SORBS2: variants seen among roughly 807,000 people sequenced by gnomAD.
SORBS2 encodes the protein sorbin and SH3 domain containing 2, also known as sorbin and SH3 domain-containing protein 2.
Under a neutral mutation model 97.7 loss-of-function variants are expected in SORBS2, and 46 were observed. That is an observed-to-expected ratio of 0.47 (90% CI 0.37 to 0.60). SORBS2 has a LOEUF of 0.60. Among genes scored for constraint, SORBS2 ranks in the 20% least tolerant of loss-of-function variants. SORBS2 has a pLI of 0.00. For missense variants in SORBS2, 1,316 were observed against 1,282.3 expected, an observed-to-expected ratio of 1.03 and a Z score of -0.40; for synonymous variants, 476 against 473.4, an observed-to-expected ratio of 1.01 and a Z score of -0.07.
At chr4:185,701,208 C>A (rs1459375121) in intron 2 of SORBS2, among the ~76,000 whole-genome samples, 1 of 152,168 alleles carries the variant, frequency 6.6e-6, no homozygotes, top group African/African-American at 2.4e-5. Flanking sequence ...GGACTTTTGC[C>A]ACTCTTGGAA....
chr4:185,717,210 C>G (rs77429063), intron 2 of SORBS2, among the ~76,000 whole-genome samples: 1,761 of 152,306 alleles, frequency 0.012, 20 homozygotes, highest in Middle Eastern at 0.017. Flanking sequence ...TCCCCGGGAG[C>G]GACCTTCAGG....
At chr4:185,756,719 C>T (rs1434156641) in intron 2 of SORBS2, among the ~76,000 whole-genome samples, 7 of 131,588 alleles carry the variant, frequency 5.3e-5, no homozygotes, top group Admixed American at 2.4e-4. Flanking sequence ...ACTGTTAAAG[C>T]TTTTTTTTTT....
intron 1 of SORBS2, chr4:185,918,604 CG>C (rs1561300237): frequency 6.6e-6 from 1 of 152,130 alleles, no homozygotes; most frequent in Non-Finnish European, 1.5e-5. Context: ...CACGGCCTCA[CG>C]GTGGCCCCCA....
At chr4:185,848,618 CTTTTTTTTTTTTTTTTTTTTTT>C (rs537195530) in intron 1 of SORBS2, among the ~76,000 whole-genome samples, 8 of 75,632 alleles carry the variant, frequency 1.1e-4, no homozygotes, top group Non-Finnish European at 1.6e-4. Context: ...AAGGATATCT[CTTTTTTTTTTTTTTTTTTTTTT>C]TTTTTTTTTT....
chr4:185,794,730 C>A (rs759521689), intron 1 of SORBS2, among the ~76,000 whole-genome samples: 1 of 151,980 alleles, frequency 6.6e-6, no homozygotes, highest in Non-Finnish European at 1.5e-5. Context: ...GCTGGGGACT[C>A]GGTGGTTCCC....
At chr4:185,946,762 T>C (rs1398585851) in intron 1 of SORBS2, among the ~76,000 whole-genome samples, 1 of 152,246 alleles carries the variant, frequency 6.6e-6, no homozygotes, top group East Asian at 1.9e-4. Context: ...TTACAGCACA[T>C]ATCTTTCAAT....
chr4:185,646,498 T>C (rs1004500898), intron 4 of SORBS2, 170 bp downstream of exon 13: 52 of 567,830 alleles, frequency 9.2e-5, no homozygotes, highest in Admixed American at 1.2e-4. Flanking sequence ...TATTAGAACA[T>C]GTATCTTTCA....
chr4:185,784,708 C>A (rs2099048092), intron 1 of SORBS2, among the ~76,000 whole-genome samples: 1 of 151,572 alleles, frequency 6.6e-6, no homozygotes, highest in Non-Finnish European at 1.5e-5. Flanking sequence ...GGCTGAACGA[C>A]AGCAATAAAC....
intron 4 of SORBS2, chr4:185,677,338 G>A: frequency 6.4e-7 from 1 of 1,552,366 alleles, no homozygotes; most frequent in Non-Finnish European, 8.7e-7. Context: ...TAGTCCTCTT[G>A]TAGAACTGGG....
intron 1 of SORBS2, among the ~76,000 whole-genome samples, chr4:185,818,478 C>G (rs1000002536): frequency 6.6e-6 from 1 of 152,148 alleles, no homozygotes; most frequent in Non-Finnish European, 1.5e-5. Flanking sequence ...CATGAGCCAC[C>G]GTGCCCAGCA....
At chr4:185,814,578 A>C (rs2099192131) in intron 1 of SORBS2, among the ~76,000 whole-genome samples, 1 of 149,274 alleles carries the variant, frequency 6.7e-6, no homozygotes, top group South Asian at 2.1e-4. Context: ...ACAAACAAAC[A>C]AATATCTGAA....
chr4:185,762,829 A>G lies in SORBS2; in HGVS notation c.-198+12398T>C, dbSNP rs117900448. Among the ~76,000 whole-genome samples, 183 of 152,354 alleles carry G rather than the reference A, an allele frequency of 1.2e-3. 7 individuals are homozygous for G. The East Asian group carries it at 0.029, about 24-fold the overall frequency. On this transcript the variant is annotated intron_variant, in intron 2 of 20. Transcript: ENST00000284776. ...ATGAACTTTACTTATGAACGAGTTA[A>G]GAACATGGCATCCCAAAATACACCA...
intron 2 of SORBS2, among the ~76,000 whole-genome samples, chr4:185,721,638 C>A (rs989919660): frequency 1.3e-5 from 2 of 152,168 alleles, no homozygotes; most frequent in African/African-American, 4.8e-5. Context: ...AAGATGAACC[C>A]TTGGGCACAG....
intron 2 of SORBS2, among the ~76,000 whole-genome samples, chr4:185,688,505 A>AATAGATAG (rs35533883): frequency 1.0e-3 from 129 of 127,796 alleles, no homozygotes; most frequent in African/African-American, 2.6e-3. Flanking sequence ...TAGATAGATA[A>AATAGATAG]ATAGATAGAT....
intron 1 of SORBS2, among the ~76,000 whole-genome samples, chr4:185,656,168 T>C (rs1459519160): frequency 6.6e-6 from 1 of 152,244 alleles, no homozygotes; most frequent in Non-Finnish European, 1.5e-5. Flanking sequence ...GGCACATAAA[T>C]ATGGCAATCG....
chr4:185,760,788 C>A (rs1407735072), intron 2 of SORBS2, among the ~76,000 whole-genome samples: 3 of 152,170 alleles, frequency 2.0e-5, no homozygotes, highest in African/African-American at 4.8e-5. Flanking sequence ...TCATTAGTTG[C>A]ATGAGGATAT....
At chr4:185,884,320 A>T (rs1296356908) in intron 1 of SORBS2, among the ~76,000 whole-genome samples, 1 of 152,196 alleles carries the variant, frequency 6.6e-6, no homozygotes. Context: ...AATCTTTGTT[A>T]ATACAAATGT....
chr4:185,909,713 T>G (rs2099253801), intron 1 of SORBS2, among the ~76,000 whole-genome samples: 1 of 152,114 alleles, frequency 6.6e-6, no homozygotes, highest in Non-Finnish European at 1.5e-5. Flanking sequence ...AAAACTTTGG[T>G]CAAGAACTCT....
chr4:185,913,446 T>C (rs2099256425), intron 1 of SORBS2, among the ~76,000 whole-genome samples: 2 of 152,216 alleles, frequency 1.3e-5, no homozygotes, highest in African/African-American at 4.8e-5. Flanking sequence ...ACCAAAGGAT[T>C]CGCTGAGTGA....
Sources: gnomAD v4.1 joint callset for allele counts (sites outside exome capture counted in the v4.1 genomes callset) on GRCh38, gnomAD v4.1.1 for gene constraint, MANE v1.5 for transcripts, NCBI Gene and HGNC (gene_info 2026-07-23, HGNC 2026-07-21) for gene names.